Variants in DCLK1 observed in about 807,000 individuals in gnomAD.
The protein encoded by DCLK1 is serine/threonine-protein kinase DCLK1.
DCLK1 carries 16 observed loss-of-function variants against 86.2 expected under a neutral mutation model. That is an observed-to-expected ratio of 0.19 (90% CI 0.13 to 0.28). DCLK1 has a LOEUF of 0.28. DCLK1 is among the 10% of genes least tolerant of loss of function. The probability of loss-of-function intolerance (pLI) is 1.00; values close to 1 mark genes in which losing one functional copy is unlikely to be tolerated. For synonymous variants in DCLK1, 369 were observed against 370.5 expected (o/e 1.00, Z 0.05); for missense variants, 590 against 940.2 (o/e 0.63, Z 4.87).
chr13:36,059,210 G>C (rs909992342), intron 3 of DCLK1, among the ~76,000 whole-genome samples: 1 of 152,082 alleles, frequency 6.6e-6, no homozygotes, highest in Non-Finnish European at 1.5e-5. Flanking sequence ...CTGCGCCTCA[G>C]GAAAGTGCCA....
rs2086657481 is a variant in DCLK1, at chr13:35,788,384, T to C, written c.2058+4982A>G. 18 of 1,072,460 alleles carry C rather than the reference T, an allele frequency of 1.7e-5. No homozygotes were observed. The South Asian group carries it at 1.7e-4, about 10-fold the overall frequency. 66.4% of individuals were successfully genotyped at this position (1,072,460 alleles called of 1,614,324 possible). ...TCTTCATTGATTCTATATGTATATATAGTTACGATGCCTCTTCTGCAGGGT... is the reference window on the plus strand; with the variant it reads ...TCTTCATTGATTCTATATGTATATACAGTTACGATGCCTCTTCTGCAGGGT... On this transcript the variant is annotated intron_variant, in intron 16 of 16. Transcript: ENST00000360631.
At chr13:35,823,155 T>G (rs2087436474) in intron 10 of DCLK1, among the ~76,000 whole-genome samples, 1 of 152,016 alleles carries the variant, frequency 6.6e-6, no homozygotes, top group Non-Finnish European at 1.5e-5. Flanking sequence ...AGATCCCAGC[T>G]AGGGGACGAG....
chr13:36,052,381 A>G (rs1883153623), intron 3 of DCLK1, among the ~76,000 whole-genome samples: 1 of 152,160 alleles, frequency 6.6e-6, no homozygotes, highest in Non-Finnish European at 1.5e-5. Context: ...CAAAGTAGAG[A>G]GGATATCATG....
intron 4 of DCLK1, among the ~76,000 whole-genome samples, chr13:35,910,963 C>T (rs1874985877): frequency 6.6e-6 from 1 of 151,970 alleles, no homozygotes; most frequent in Non-Finnish European, 1.5e-5. Flanking sequence ...TCAGTGGTTT[C>T]AAATCTTAGA....
At position 35,771,926 on chromosome 13, in the gene DCLK1, A is replaced by G. The variant is rs1355230565; in HGVS notation, c.*2609T>C. ...AACTTGAACTATCCCAAGAATGTCGAGAAAAAAATTAGAAAGCACTGGCTA... is the reference window on the plus strand; with the variant it reads ...AACTTGAACTATCCCAAGAATGTCGGGAAAAAAATTAGAAAGCACTGGCTA... On this transcript the variant is annotated 3_prime_UTR_variant, in exon 17 of 17. Coordinates refer to ENST00000360631, the MANE Select transcript of DCLK1 (RefSeq NM_001330071.2). 1 of 152,232 alleles carries G rather than the reference A, an allele frequency of 6.6e-6. No homozygotes were observed. Among genetic ancestry groups the G allele is most frequent in the Non-Finnish European group, 1.5e-5 (1 of 68,050 alleles). 9.4% of individuals were successfully genotyped at this position (152,232 alleles called of 1,614,324 possible).
chr13:35,824,558 T>A (rs2087476975), intron 10 of DCLK1, among the ~76,000 whole-genome samples: 9 of 152,104 alleles, frequency 5.9e-5, no homozygotes, highest in Admixed American at 5.9e-4. Context: ...TTCGCAGCCA[T>A]CTGGGCCTTC....
At chr13:35,809,413 T>C (rs2153102701) in intron 12 of DCLK1, among the ~76,000 whole-genome samples, 1 of 152,334 alleles carries the variant, frequency 6.6e-6, no homozygotes, top group African/African-American at 2.4e-5. Flanking sequence ...GAGATAAGGA[T>C]GGACCCTTGA....
At chr13:35,903,203 A>G (rs1272584768) in intron 4 of DCLK1, among the ~76,000 whole-genome samples, 1 of 152,204 alleles carries the variant, frequency 6.6e-6, no homozygotes, top group African/African-American at 2.4e-5. Flanking sequence ...GCCCTTCAGC[A>G]TAAGATTAGA....
chr13:36,006,877 A>T (rs1655397793), intron 3 of DCLK1, among the ~76,000 whole-genome samples: 1 of 152,234 alleles, frequency 6.6e-6, no homozygotes, highest in Non-Finnish European at 1.5e-5. Context: ...TGAGAATCAG[A>T]TAAGAGAGTA....
chr13:36,042,693 C>G (rs946166939), intron 3 of DCLK1, among the ~76,000 whole-genome samples: 1 of 152,198 alleles, frequency 6.6e-6, no homozygotes, highest in Non-Finnish European at 1.5e-5. Context: ...TGAAAGAGGT[C>G]TCTAGTAGGC....
At chr13:36,123,250 A>G (rs73165328) in intron 2 of DCLK1, among the ~76,000 whole-genome samples, 24,940 of 152,246 alleles carry the variant, frequency 0.16, 2,305 homozygotes, top group Middle Eastern at 0.21. Flanking sequence ...GACTAAGCAA[A>G]AAATGTAATT....
chr13:35,992,592 C>T (rs779950013), intron 3 of DCLK1, among the ~76,000 whole-genome samples: 2 of 152,162 alleles, frequency 1.3e-5, no homozygotes, highest in Non-Finnish European at 2.9e-5. Context: ...TCCAAGATCA[C>T]TGGCCTTGCT....
At chr13:36,127,208 T>C (rs1593914595) in intron 1 of DCLK1, among the ~76,000 whole-genome samples, 1 of 152,212 alleles carries the variant, frequency 6.6e-6, no homozygotes, top group South Asian at 2.1e-4. Flanking sequence ...TTTTCCAACA[T>C]ATTCACACAT....
chr13:35,837,555 A>G (rs1240686844), intron 7 of DCLK1, among the ~76,000 whole-genome samples: 1 of 152,146 alleles, frequency 6.6e-6, no homozygotes, highest in Non-Finnish European at 1.5e-5. Context: ...CAGCTCCCAG[A>G]TGACACAATC....
intron 4 of DCLK1, among the ~76,000 whole-genome samples, chr13:35,905,234 C>A (rs752974062): frequency 6.6e-5 from 10 of 152,316 alleles, no homozygotes; most frequent in Non-Finnish European, 1.2e-4. Context: ...CCAGCCATTG[C>A]CATTGGATAA....
chr13:36,056,059 G>A (rs1002445366), intron 3 of DCLK1, among the ~76,000 whole-genome samples: 3 of 146,120 alleles, frequency 2.1e-5, no homozygotes, highest in East Asian at 4.1e-4. Context: ...TCAGTGTGGC[G>A]ATTCCTCAGG....
intron 2 of DCLK1, among the ~76,000 whole-genome samples, chr13:36,118,441 T>G (rs190578776): frequency 6.6e-6 from 1 of 152,258 alleles, no homozygotes; most frequent in African/African-American, 2.4e-5. Flanking sequence ...GTGATGACAC[T>G]GAAAATTCTC....
intron 3 of DCLK1, among the ~76,000 whole-genome samples, chr13:36,083,366 G>A (rs1166283418): frequency 6.6e-6 from 1 of 152,072 alleles, no homozygotes; most frequent in Admixed American, 6.5e-5. Context: ...CTTTCATCTC[G>A]ATTACTCTGT....
intron 4 of DCLK1, among the ~76,000 whole-genome samples, chr13:35,887,776 A>G (rs1410319249): frequency 6.7e-6 from 1 of 149,140 alleles, no homozygotes; most frequent in Non-Finnish European, 1.5e-5. Flanking sequence ...CAAGCCAGAC[A>G]CTGTGGTATG....
Sources: allele counts gnomAD v4.1 joint callset (sites outside exome capture counted in the v4.1 genomes callset), GRCh38; gene constraint gnomAD v4.1.1; transcripts MANE v1.5; gene names NCBI Gene and HGNC (gene_info 2026-07-23, HGNC 2026-07-21).